The following MBTD1 variants were observed in gnomAD, a reference collection of about 807,000 sequenced individuals.
MBTD1 encodes the protein mbt domain containing 1, also known as MBT domain-containing protein 1.
Under a neutral mutation model 87.8 loss-of-function variants are expected in MBTD1, and 24 were observed. The ratio of observed to expected loss-of-function variants is 0.27; its 90% CI spans 0.20 to 0.38. MBTD1 has a LOEUF of 0.38. Among genes scored for constraint, MBTD1 ranks in the 10% least tolerant of loss-of-function variants. The pLI is 1.00. For synonymous variants in MBTD1, 237 were observed against 248.6 expected (o/e 0.95, Z 0.44); for missense variants, 436 against 760.2 (o/e 0.57, Z 5.02).
At chr17:51,192,377 G>T in intron 15 of MBTD1, 97 bp from the exon 16 acceptor site, 1 of 848,436 alleles carries the variant, frequency 1.2e-6, no homozygotes, top group Non-Finnish European at 1.9e-6. Flanking sequence ...TCTTTACCAA[G>T]ACCATTATAC....
rs577255577 is a variant in MBTD1 at position 51,255,495 on chromosome 17, A to G, written c.-49+3648T>C. ...TTAAACAAAGATGGGTTAAACACAT[A>G]CAGATACACAAGGGGGCTACTTCTC... On this transcript the variant is annotated intron_variant, in intron 2 of 16. Transcript: ENST00000586178. Among the ~76,000 whole-genome samples, 186 of 152,352 alleles carry G rather than the reference A, an allele frequency of 1.2e-3. 1 individual carries two copies. Among genetic ancestry groups the G allele is most frequent in the African/African-American group, 3.3e-3 (138 of 41,582 alleles).
intron 6 of MBTD1, among the ~76,000 whole-genome samples, chr17:51,211,271 T>C (rs1021733334): frequency 2.6e-5 from 4 of 151,968 alleles, no homozygotes; most frequent in Admixed American, 6.6e-5. Flanking sequence ...GGTTGGGGGA[T>C]TGCTTGTACC....
chr17:51,228,345 G>A (rs866776281), intron 2 of MBTD1, among the ~76,000 whole-genome samples: 11 of 151,944 alleles, frequency 7.2e-5, no homozygotes, highest in African/African-American at 2.4e-4. Context: ...ATTTACCCAC[G>A]TAGCAAACCT....
chr17:51,212,876 C>T (rs1412850356), intron 6 of MBTD1, among the ~76,000 whole-genome samples: 1 of 151,922 alleles, frequency 6.6e-6, no homozygotes, highest in African/African-American at 2.4e-5. Context: ...CCTGCCTCAG[C>T]CTCCCAAGTC....
At chr17:51,206,666 T>A (rs1274228164) in intron 7 of MBTD1, among the ~76,000 whole-genome samples, 2 of 152,226 alleles carry the variant, frequency 1.3e-5, no homozygotes, top group Non-Finnish European at 2.9e-5. Flanking sequence ...GGTGCTTTCA[T>A]GCTATAATGA....
chr17:51,206,106 C>T (rs1384927233), intron 7 of MBTD1, among the ~76,000 whole-genome samples: 3 of 152,146 alleles, frequency 2.0e-5, no homozygotes, highest in Non-Finnish European at 4.4e-5. Context: ...TGGATATCAT[C>T]TTTTGTCCAC....
Position 51,225,142 on chromosome 17 carries a change from C to T in MBTD1, c.20G>A (p.Ser7Asn), listed in dbSNP as rs1166867101. 1.3e-6 allele frequency: 2 copies of T among 1,547,604 alleles called. No individual in the cohort carries two copies. The highest frequency in any genetic ancestry group is 1.4e-5 in the African/African-American group (1 of 72,914). The change falls in exon 3 of 17, where the codon AGC becomes AAC. Residue 7 changes from serine (S) to asparagine (N), a missense_variant. Physicochemically the swap from Ser to Asn is conservative, Grantham distance 46. This residue lies in a region of MBTD1 where 38 missense variants were observed against 33.8 expected (regional missense o/e 1.12). Coordinates refer to ENST00000586178, the MANE Select transcript of MBTD1 (RefSeq NM_017643.3). ...GCTGCTGCTTGTGTCCTCACTGCAG[C>T]TATCATAACCGTCAAACATCCCGAA... The part of the protein sequence containing the change: MFDGYD[S>N]CSEDTSSSSS...
chr17:51,221,058 C>A (rs546223520), intron 3 of MBTD1, among the ~76,000 whole-genome samples: 1 of 151,988 alleles, frequency 6.6e-6, no homozygotes, highest in Admixed American at 6.6e-5. Flanking sequence ...TTTGGGAGGC[C>A]GAGGCAGGAG....
At chr17:51,251,093 A>C (rs189432831) in intron 2 of MBTD1, 1 of 152,272 alleles carries the variant, frequency 6.6e-6, no homozygotes, top group Admixed American at 6.5e-5. Flanking sequence ...GAGGATGTTT[A>C]ATTTCACTTG....
Position 51,206,934 on chromosome 17 carries a change from G to A in MBTD1, c.558C>T (p.Ser186=), listed in dbSNP as rs775513921. 7.4e-6 allele frequency: 12 copies of A among 1,613,594 alleles called. No homozygotes were observed. In the South Asian group the frequency reaches 8.8e-5, roughly 12 times the overall value. ...VRVEVPNTDC[S]LPTKVFWIAG... is the part of the protein sequence containing the mutation. ...CAATCCAGAAGACTTTGGTAGGTAG[G>A]CTGCAGTCTGTATTGGGAACTTCTA... The change falls in exon 7 of 17, where the codon AGC becomes AGT. Residue 186 remains serine (S), a synonymous_variant. Transcript: ENST00000586178.
At chr17:51,241,239 G>C (rs1184089798) in intron 2 of MBTD1, among the ~76,000 whole-genome samples, 2 of 152,144 alleles carry the variant, frequency 1.3e-5, no homozygotes, top group Non-Finnish European at 2.9e-5. Context: ...CTCCCAAAGT[G>C]CTGGGATTAC....
chr17:51,256,532 T>C (rs2055098650), intron 2 of MBTD1: 1 of 152,218 alleles, frequency 6.6e-6, no homozygotes, highest in Non-Finnish European at 1.5e-5. Context: ...GAGAGAAGTT[T>C]AGTATTTTAA....
intron 2 of MBTD1, among the ~76,000 whole-genome samples, chr17:51,241,534 T>C (rs1404818608): frequency 6.6e-6 from 1 of 152,118 alleles, no homozygotes; most frequent in East Asian, 1.9e-4. Flanking sequence ...TTTTTATTTA[T>C]TATTGGTATC....
At chr17:51,184,152 A>G (rs1419468308) in intron 16 of MBTD1, 2 of 152,254 alleles carry the variant, frequency 1.3e-5, no homozygotes, top group African/African-American at 4.8e-5. Flanking sequence ...CAATGTTTTA[A>G]TGTAAAGTTT....
At chr17:51,231,873 T>C (rs1441340642) in intron 2 of MBTD1, among the ~76,000 whole-genome samples, 1 of 151,984 alleles carries the variant, frequency 6.6e-6, no homozygotes, top group Non-Finnish European at 1.5e-5. Flanking sequence ...TTTTTTTTTA[T>C]ATATACATTA....
intron 2 of MBTD1, among the ~76,000 whole-genome samples, chr17:51,231,324 CT>C (rs2053539535): frequency 1.3e-5 from 2 of 152,144 alleles, no homozygotes; most frequent in African/African-American, 4.8e-5. Context: ...ATTATTGACC[CT>C]TAAATGTCAA....
At chr17:51,198,008 C>T (rs901350921) in intron 12 of MBTD1, among the ~76,000 whole-genome samples, 3 of 152,120 alleles carry the variant, frequency 2.0e-5, no homozygotes, top group African/African-American at 7.2e-5. Flanking sequence ...GCTTCTACAC[C>T]AGTGATTCCT....
intron 15 of MBTD1, chr17:51,192,501 T>C: frequency 4.7e-6 from 3 of 639,104 alleles, no homozygotes; most frequent in Non-Finnish European, 7.9e-6. Context: ...CAATAAACTT[T>C]TAGTATGTAA....
chr17:51,241,393 A>G (rs2054152587), intron 2 of MBTD1, among the ~76,000 whole-genome samples: 1 of 152,214 alleles, frequency 6.6e-6, no homozygotes, highest in Non-Finnish European at 1.5e-5. Context: ...TATTCAGCTC[A>G]TTAAATTTTC....
Sources: allele counts gnomAD v4.1 joint callset (sites outside exome capture counted in the v4.1 genomes callset), GRCh38; gene constraint gnomAD v4.1.1; regional missense constraint gnomAD v4.1.1; transcripts MANE v1.5; gene names NCBI Gene and HGNC (gene_info 2026-07-23, HGNC 2026-07-21).